Variants in STPG2 observed in about 807,000 individuals in gnomAD.
STPG2 encodes sperm-tail PG-rich repeat-containing protein 2.
STPG2 carries 56 observed loss-of-function variants against 54.2 expected under a neutral mutation model. That is an observed-to-expected ratio of 1.03 (90% CI 0.83 to 1.29). STPG2 has a LOEUF of 1.29. STPG2 is among the 50% of genes most tolerant of loss of function. The probability of loss-of-function intolerance (pLI) is 0.00; values close to 1 mark genes in which losing one functional copy is unlikely to be tolerated. For missense variants in STPG2, 596 were observed against 544.9 expected (o/e 1.09, Z -0.93); for synonymous variants, 200 against 181.8 (o/e 1.10, Z -0.81).
In STPG2 at chr4:98,029,734, C is replaced by T. The variant is rs72882660; in HGVS notation, c.613-48416G>A. On this transcript the variant is annotated intron_variant, in intron 5 of 10. Transcript: ENST00000295268. ...CTTTCTAAAGCACCCCAGTTTGCAA[C>T]GAACACTTCAAGTATTATTTGATCT... Among the ~76,000 whole-genome samples the T allele has an allele frequency of 2.2e-3, 333 of 152,214 alleles. 2 individuals carry two copies. Among genetic ancestry groups the T allele is most frequent in the African/African-American group, 7.1e-3 (296 of 41,528 alleles).
chr4:97,943,793 C>T (rs548790851), intron 8 of STPG2, 104 bp downstream of exon 8: 17 of 790,102 alleles, frequency 2.2e-5, no homozygotes, highest in Admixed American at 6.1e-5. Flanking sequence ...GGTTACAGCA[C>T]GCTACCAGTT....
intron 9 of STPG2, among the ~76,000 whole-genome samples, chr4:97,732,498 T>C (rs1347452850): frequency 6.6e-6 from 1 of 152,282 alleles, no homozygotes; most frequent in East Asian, 1.9e-4. Context: ...GTTGGCTATA[T>C]ATATTTGGCT....
intron 9 of STPG2, among the ~76,000 whole-genome samples, chr4:97,756,627 C>T (rs765773814): frequency 1.3e-3 from 192 of 152,102 alleles, no homozygotes; most frequent in Non-Finnish European, 1.9e-3. Context: ...TGCCCGGCCT[C>T]CCTGTAGTTT....
intron 5 of STPG2, among the ~76,000 whole-genome samples, chr4:97,992,161 G>A (rs180715107): frequency 4.1e-4 from 62 of 152,232 alleles, no homozygotes; most frequent in Non-Finnish European, 5.3e-4. Context: ...TCTTGGTCAT[G>A]AAGTCTTTGC....
At chr4:97,640,935 C>A (rs1221948846) in intron 10 of STPG2, among the ~76,000 whole-genome samples, 1 of 151,368 alleles carries the variant, frequency 6.6e-6, no homozygotes, top group Admixed American at 6.6e-5. Context: ...ACATATCCTG[C>A]AAGATAAAGA....
At chr4:98,115,659 C>A (rs967313647) in intron 3 of STPG2, among the ~76,000 whole-genome samples, 5 of 151,830 alleles carry the variant, frequency 3.3e-5, no homozygotes, top group Admixed American at 6.6e-5. Context: ...GAAACTAAAC[C>A]CACATATAGT....
chr4:98,068,677 A>G (rs1737906220), intron 5 of STPG2, among the ~76,000 whole-genome samples: 1 of 152,096 alleles, frequency 6.6e-6, no homozygotes, highest in Non-Finnish European at 1.5e-5. Context: ...ACAATCATGA[A>G]TCACTTAACG....
At chr4:97,778,962 A>C (rs188677357) in intron 9 of STPG2, among the ~76,000 whole-genome samples, 13 of 152,334 alleles carry the variant, frequency 8.5e-5, no homozygotes, top group Admixed American at 7.8e-4. Flanking sequence ...AAAGGTAGAT[A>C]AAACCACAAA....
chr4:97,871,495 A>C lies in STPG2; in HGVS notation c.1045-30563T>G, dbSNP rs994669311. 4.0e-5 allele frequency among the ~76,000 whole-genome samples: 6 copies of C among 151,100 alleles called. No homozygotes were observed. In the Admixed American group the frequency reaches 4.0e-4, roughly 10 times the overall value. Reference sequence around the variant, plus strand: ...AATAATTATTGAATCAGAAGAAATGAAAAAAGTCATACTAGTCTACTTTTC... The same window carrying C: ...AATAATTATTGAATCAGAAGAAATGCAAAAAGTCATACTAGTCTACTTTTC... On this transcript the variant is annotated intron_variant, in intron 8 of 10. Coordinates refer to ENST00000295268, the MANE Select transcript of STPG2 (RefSeq NM_174952.3).
intron 5 of STPG2, among the ~76,000 whole-genome samples, chr4:98,013,363 G>T (rs746196194): frequency 5.3e-5 from 8 of 152,112 alleles, no homozygotes; most frequent in Non-Finnish European, 8.8e-5. Flanking sequence ...ATTTTATTGA[G>T]GGTTTTCGCA....
intron 4 of STPG2, among the ~76,000 whole-genome samples, chr4:97,541,289 AAT>A (rs1435224102): frequency 3.3e-5 from 5 of 152,182 alleles, no homozygotes; most frequent in African/African-American, 1.2e-4. Flanking sequence ...ATACAAAATC[AAT>A]GTGCAAAAAT....
At chr4:98,026,118 G>C (rs138481320) in intron 5 of STPG2, 1 of 1,461,880 alleles carries the variant, frequency 6.8e-7, no homozygotes, top group Non-Finnish European at 9.5e-7. Flanking sequence ...GCTGCTATAC[G>C]AGAGAATCCA....
chr4:98,143,116 G>C lies in STPG2; in HGVS notation c.35C>G (p.Ala12Gly), dbSNP rs1195692865. The change falls in exon 1 of 11, where the codon GCT (alanine) becomes GGT (glycine). Residue 12 changes from alanine (A) to glycine (G), a missense_variant. Ala to Gly is a moderately conservative substitution (Grantham distance 60, BLOSUM62 0). Coordinates refer to ENST00000295268, the MANE Select transcript of STPG2 (RefSeq NM_174952.3). ...ATGGGCCTCAGTGCTGCCACCTTCA[G>C]CCAATTTGAGCAGGCGGGGAGCCCG... ...YDRAPRLLKL[A>G]EGGSTEAHVG... is the part of the protein sequence containing the mutation. 6.2e-7 allele frequency: 1 copy of C among 1,613,974 alleles called. No homozygotes were observed. Among genetic ancestry groups the C allele is most frequent in the Admixed American group, 1.7e-5 (1 of 60,012 alleles).
At chr4:97,663,480 A>AT (rs1722431556) in intron 10 of STPG2, among the ~76,000 whole-genome samples, 1 of 152,204 alleles carries the variant, frequency 6.6e-6, no homozygotes, top group African/African-American at 2.4e-5. Context: ...TAAATATTGC[A>AT]TTTTTATAAC....
intron 5 of STPG2, among the ~76,000 whole-genome samples, chr4:98,035,295 A>T (rs1249351531): frequency 6.6e-6 from 1 of 152,238 alleles, no homozygotes; most frequent in Non-Finnish European, 1.5e-5. Context: ...AAAGGATATG[A>T]ACAGACACTT....
chr4:97,801,296 A>T (rs957376658), intron 9 of STPG2, among the ~76,000 whole-genome samples: 1 of 152,106 alleles, frequency 6.6e-6, no homozygotes, highest in African/African-American at 2.4e-5. Context: ...TGTAGACTGG[A>T]GCTGTTCCTA....
chr4:97,897,880 C>A (rs936454074), intron 8 of STPG2, among the ~76,000 whole-genome samples: 3 of 151,860 alleles, frequency 2.0e-5, no homozygotes, highest in African/African-American at 7.2e-5. Context: ...TTGATAGCCT[C>A]CTTTGCCATG....
intron 2 of STPG2, among the ~76,000 whole-genome samples, chr4:98,133,336 A>T (rs557349801): frequency 2.0e-3 from 302 of 152,152 alleles, no homozygotes; most frequent in African/African-American, 7.1e-3. Context: ...ATCAGCTAAG[A>T]TTTTAAGTCA....
At chr4:98,005,925 A>G (rs1277794772) in intron 5 of STPG2, among the ~76,000 whole-genome samples, 2 of 152,218 alleles carry the variant, frequency 1.3e-5, no homozygotes, top group Non-Finnish European at 2.9e-5. Context: ...ATTTTTTGAA[A>G]GAGTTTAAGA....
Sources: gnomAD v4.1 joint callset for allele counts (sites outside exome capture counted in the v4.1 genomes callset) on GRCh38, gnomAD v4.1.1 for gene constraint, MANE v1.5 for transcripts, NCBI Gene and HGNC (gene_info 2026-07-23, HGNC 2026-07-21) for gene names.